Variants in PIK3AP1 observed in about 807,000 individuals in gnomAD.
PIK3AP1 encodes phosphoinositide 3-kinase adapter protein 1.
In PIK3AP1, 21 loss-of-function variants were observed where a neutral mutation model predicts 88.1. That is an observed-to-expected ratio of 0.24 (90% CI 0.17 to 0.34). The LOEUF is 0.34. Among genes scored for constraint, PIK3AP1 ranks in the 10% least tolerant of loss-of-function variants. The probability of loss-of-function intolerance (pLI) is 1.00; values close to 1 mark genes in which losing one functional copy is unlikely to be tolerated. For synonymous variants in PIK3AP1, 398 were observed against 400.0 expected, an observed-to-expected ratio of 1.00 and a Z score of 0.06; for missense variants, 828 against 1,035.7, an observed-to-expected ratio of 0.80 and a Z score of 2.75.
chr10:96,674,049 C>T (rs1358492746), intron 2 of PIK3AP1, among the ~76,000 whole-genome samples: 1 of 152,116 alleles, frequency 6.6e-6, no homozygotes, highest in Non-Finnish European at 1.5e-5. Flanking sequence ...TTGGTCAAGG[C>T]TGGGTGGAGG....
chr10:96,652,617 C>T, intron 4 of PIK3AP1, 81 bp downstream of exon 4: 2 of 1,482,278 alleles, frequency 1.3e-6, no homozygotes, highest in South Asian at 1.2e-5. Context: ...GATGATAATA[C>T]CTGGCATTGG....
chr10:96,613,986 G>A (rs1849170058), intron 13 of PIK3AP1, among the ~76,000 whole-genome samples: 1 of 152,194 alleles, frequency 6.6e-6, no homozygotes, highest in Non-Finnish European at 1.5e-5. Context: ...AGTGAGGGGT[G>A]AGCAGTGAGC....
At chr10:96,644,962 G>A (rs746366815) in intron 8 of PIK3AP1, among the ~76,000 whole-genome samples, 3 of 151,906 alleles carry the variant, frequency 2.0e-5, no homozygotes, top group African/African-American at 7.3e-5. Context: ...GTTTGAAGCC[G>A]TTGACCGTGA....
intron 2 of PIK3AP1, among the ~76,000 whole-genome samples, chr10:96,700,134 G>A (rs751895449): frequency 3.9e-5 from 6 of 152,174 alleles, no homozygotes; most frequent in South Asian, 2.1e-4. Context: ...CCTTTTCCCC[G>A]TGGCTCACCA....
At chr10:96,655,496 G>T (rs971333585) in intron 3 of PIK3AP1, among the ~76,000 whole-genome samples, 1 of 152,140 alleles carries the variant, frequency 6.6e-6, no homozygotes, top group East Asian at 1.9e-4. Context: ...GAGAGAGACA[G>T]ACTCTGTCTC....
intron 8 of PIK3AP1, among the ~76,000 whole-genome samples, chr10:96,629,533 C>T (rs1004272854): frequency 1.3e-5 from 2 of 151,020 alleles, no homozygotes; most frequent in Non-Finnish European, 3.0e-5. Context: ...AATATGCTAC[C>T]CAAAGGGGGC....
chr10:96,626,277 C>T (rs1843152720), intron 10 of PIK3AP1, among the ~76,000 whole-genome samples: 1 of 152,174 alleles, frequency 6.6e-6, no homozygotes, highest in Non-Finnish European at 1.5e-5. Flanking sequence ...GTTGAATGAC[C>T]TCTGTAAAAC....
At chr10:96,696,007 A>G (rs1338253333) in intron 2 of PIK3AP1, among the ~76,000 whole-genome samples, 2 of 152,190 alleles carry the variant, frequency 1.3e-5, no homozygotes, top group Non-Finnish European at 2.9e-5. Flanking sequence ...TGCTCCATGG[A>G]AATGGTTGAC....
In PIK3AP1 at chr10:96,593,604, C is replaced by A. The variant is rs769216364; in HGVS notation, c.*1973G>T. On this transcript the variant is annotated 3_prime_UTR_variant, in exon 17 of 17. Transcript: ENST00000339364. The stretch of plus-strand genomic sequence containing the variant: ...CAAAGACTGTCTATAAGTAACAGGG[C>A]AAGCATACCAACATCAAAATTATTC... 6.6e-5 allele frequency: 10 copies of A among 151,960 alleles called. No homozygotes were observed. The highest frequency in any genetic ancestry group is 1.3e-4 in the Non-Finnish European group (9 of 68,012). 9.4% of individuals were successfully genotyped at this position (151,960 alleles called of 1,614,324 possible). A position where few individuals can be genotyped will look rare whatever the true frequency, so the allele number is the denominator to read the frequency against.
At chr10:96,719,094 T>C (rs1844540192) in intron 1 of PIK3AP1, among the ~76,000 whole-genome samples, 1 of 152,192 alleles carries the variant, frequency 6.6e-6, no homozygotes, top group Admixed American at 6.5e-5. Context: ...AAGTGTATAT[T>C]ACCTGCTATT....
chr10:96,646,007 C>T (rs547037607), intron 7 of PIK3AP1, among the ~76,000 whole-genome samples: 1 of 152,192 alleles, frequency 6.6e-6, no homozygotes, highest in East Asian at 1.9e-4. Context: ...CACCTGTAAT[C>T]CCAGGACTTT....
chr10:96,634,962 A>G (rs1843293658), intron 8 of PIK3AP1, among the ~76,000 whole-genome samples: 1 of 152,080 alleles, frequency 6.6e-6, no homozygotes, highest in South Asian at 2.1e-4. Flanking sequence ...GCCTAGCAAT[A>G]TTGGGCAGAA....
intron 2 of PIK3AP1, among the ~76,000 whole-genome samples, chr10:96,695,170 T>C (rs1844204300): frequency 1.3e-5 from 2 of 152,226 alleles, no homozygotes; most frequent in Admixed American, 1.3e-4. Context: ...TGAGCAAGGA[T>C]ATTCAGAAAA....
chr10:96,628,891 T>TATACATAC (rs1564961247), intron 8 of PIK3AP1, among the ~76,000 whole-genome samples: 3 of 36,182 alleles, frequency 8.3e-5, no homozygotes, highest in African/African-American at 1.2e-4. Context: ...TATATATACA[T>TATACATAC]ATATATATAT....
rs1460533349 is a variant in PIK3AP1 at position 96,594,299 on chromosome 10, A to G, written c.*1278T>C. ...AAATCCACAAATGCTCAAGTCCCAT[A>G]TATAAAATAGCATAGTATTTGCATA... On this transcript the variant is annotated 3_prime_UTR_variant, in exon 17 of 17. Coordinates refer to ENST00000339364, the MANE Select transcript of PIK3AP1 (RefSeq NM_152309.3). This position sits in a 1 kb window ranked among gnomAD's most constrained non-coding sequence, Gnocchi z 4.6. 1 of 152,248 alleles carries G rather than the reference A, an allele frequency of 6.6e-6. No individual in the cohort carries two copies. Among genetic ancestry groups the G allele is most frequent in the Non-Finnish European group, 1.5e-5 (1 of 68,050 alleles). The allele number at this position is 152,248 out of a possible 1,614,324, so 9.4% of individuals were successfully genotyped here. A position where few individuals can be genotyped will look rare whatever the true frequency, so the allele number is the denominator to read the frequency against.
At chr10:96,687,255 C>CAAAAAAAAAAAAAA (rs59631566) in intron 2 of PIK3AP1, among the ~76,000 whole-genome samples, 2 of 55,306 alleles carry the variant, frequency 3.6e-5, no homozygotes, top group Admixed American at 2.6e-4. Context: ...TACTCCATCT[C>CAAAAAAAAAAAAAA]AAAAAAAAAA....
intron 8 of PIK3AP1, among the ~76,000 whole-genome samples, chr10:96,635,216 C>A (rs1000646143): frequency 6.6e-6 from 1 of 152,144 alleles, no homozygotes; most frequent in African/African-American, 2.4e-5. Flanking sequence ...AAGAGGGACC[C>A]AAGCATCAGG....
chr10:96,666,350 C>T (rs1843761299), intron 2 of PIK3AP1, among the ~76,000 whole-genome samples: 2 of 151,902 alleles, frequency 1.3e-5, no homozygotes, highest in Non-Finnish European at 2.9e-5. Flanking sequence ...ACCTGGGAGG[C>T]GGAGCTTGCA....
chr10:96,714,390 C>T (rs1321623350), intron 1 of PIK3AP1, among the ~76,000 whole-genome samples: 1 of 152,208 alleles, frequency 6.6e-6, no homozygotes, highest in Non-Finnish European at 1.5e-5. Context: ...CTGCTGCTGC[C>T]CAAGTGCACA....
Sources: allele counts gnomAD v4.1 joint callset (sites outside exome capture counted in the v4.1 genomes callset), GRCh38; gene constraint gnomAD v4.1.1; non-coding constraint Gnocchi (gnomAD v3.1); transcripts MANE v1.5; gene names NCBI Gene and HGNC (gene_info 2026-07-23, HGNC 2026-07-21).